The following SLC34A3 variants were observed in gnomAD, a reference collection of about 807,000 sequenced individuals.
The protein encoded by SLC34A3 is sodium-dependent phosphate transport protein 2C.
In SLC34A3, 60 loss-of-function variants were observed where a neutral mutation model predicts 43.9. The observed-to-expected ratio is 1.37, with a 90% confidence interval of 1.11 to 1.70. The LOEUF (loss-of-function observed/expected upper bound fraction) is 1.70, where lower values mean the gene tolerates loss of function less well. Among genes scored for constraint, SLC34A3 ranks in the 40% most tolerant of loss-of-function variants. The pLI, the probability that SLC34A3 is intolerant of heterozygous loss-of-function variation, is 0.00. For missense variants in SLC34A3, 969 were observed against 823.8 expected (o/e 1.18, Z -2.16); for synonymous variants, 451 against 386.2 (o/e 1.17, Z -1.97).
chr9:137,232,025 G>A (rs752218383), intron 2 of SLC34A3, 47 bp from the exon 3 acceptor site: 1 of 1,573,278 alleles, frequency 6.4e-7, no homozygotes, highest in Non-Finnish European at 8.7e-7. Flanking sequence ...CCCCCAGTTG[G>A]AGGGAGGTGG....
chr9:137,234,512 C>A lies in SLC34A3; in HGVS notation c.1190C>A (p.Ala397Glu), dbSNP rs150835225. The A allele has an allele frequency of 6.2e-7, 1 of 1,604,770 alleles. No individual in the cohort carries two copies. The highest frequency in any genetic ancestry group is 1.7e-5 in the Admixed American group (1 of 59,878). The change falls in exon 11 of 13, where the codon GCG becomes GAG. Residue 397 changes from alanine (A) to glutamate (E), a missense_variant. By Grantham distance (107) the Ala-to-Glu change is moderately radical (BLOSUM62 -1). Coordinates refer to ENST00000673835, the MANE Select transcript of SLC34A3 (RefSeq NM_001177316.2). This position sits in a 1 kb window ranked among gnomAD's most constrained non-coding sequence, Gnocchi z 6.9. ...CTGCAGAGCAGCAGCGTCTTCACGG[C>A]GGCCGTCGTGCCCCTCATGGGTGAG... ...FALQSSSVFT[A>E]AVVPLMGVGV...
chr9:137,235,892 G>T (rs1183202005), intron 12 of SLC34A3, 60 bp from the exon 13 acceptor site: 4 of 1,532,814 alleles, frequency 2.6e-6, no homozygotes, highest in Admixed American at 3.3e-5. Context: ...GCAGGGGTCC[G>T]GGGCCCCTGG....
At chr9:137,231,539 G>A (rs919154437) in intron 1 of SLC34A3, 125 bp from the exon 2 acceptor site, 7 of 695,204 alleles carry the variant, frequency 1.0e-5, no homozygotes, top group African/African-American at 8.7e-5. Flanking sequence ...GAGGCCTGCA[G>A]GGCGTAGAGA....
At position 137,234,067 on chromosome 9, in the gene SLC34A3, A is replaced by AC. The variant is rs761762096; in HGVS notation, c.926-36dup. 3.5e-6 allele frequency: 1 copy of AC among 287,712 alleles called. No individual in the cohort carries two copies. The highest frequency in any genetic ancestry group is 4.7e-6 in the Non-Finnish European group (1 of 212,234). 17.8% of individuals were successfully genotyped at this position (287,712 alleles called of 1,614,324 possible). On this transcript the variant is annotated intron_variant, in intron 9 of 12. Transcript: ENST00000673835. The surrounding 1 kb of genome is among the most constrained non-coding windows in gnomAD (Gnocchi z 6.9). Reference sequence around the variant, plus strand: ...TGTGAGGCCCGGCCCACCCCGGCCCACCCCCCAGGCTCCCCCTCACCTGCC... The same window carrying AC: ...TGTGAGGCCCGGCCCACCCCGGCCCACCCCCCCAGGCTCCCCCTCACCTGCC...
At position 137,234,213 on chromosome 9, in the gene SLC34A3, A is replaced by G. The variant is rs996535677; in HGVS notation, c.1030A>G (p.Lys344Glu). The G allele has an allele frequency of 1.9e-6, 3 of 1,608,448 alleles. No homozygotes were observed. The African/African-American group carries it at 4.0e-5, about 22-fold the overall frequency. Residue 344 changes from lysine (K) to glutamate (E), a missense_variant, in exon 10 of 13, where the codon AAG becomes GAG. Coordinates refer to ENST00000673835, the MANE Select transcript of SLC34A3 (RefSeq NM_001177316.2). This position sits in a 1 kb window ranked among gnomAD's most constrained non-coding sequence, Gnocchi z 6.9. ...CTGCGGCTGCCTGGTCCTCATAGTC[A>G]AGCTGCTCAACTCTGTGCTGCGCGG... ...VLCGCLVLIV[K>E]LLNSVLRGRV...
At position 137,234,509 on chromosome 9, in the gene SLC34A3, C is replaced by G. The variant is rs138798032; in HGVS notation, c.1187C>G (p.Thr396Arg). Residue 396 changes from threonine to arginine, a missense_variant, in exon 11 of 13, where the codon ACG (threonine) becomes AGG (arginine). Physicochemically the swap from Thr to Arg is moderately conservative, Grantham distance 71. Coordinates refer to ENST00000673835, the MANE Select transcript of SLC34A3 (RefSeq NM_001177316.2). The surrounding 1 kb of genome is among the most constrained non-coding windows in gnomAD (Gnocchi z 6.9). ...GCACTGCAGAGCAGCAGCGTCTTCA[C>G]GGCGGCCGTCGTGCCCCTCATGGGT... ...TFALQSSSVFTAAVVPLMGVG... is the reference protein window; with the variant it reads ...TFALQSSSVFRAAVVPLMGVG... 6.2e-7 allele frequency: 1 copy of G among 1,604,378 alleles called. No homozygotes were observed. Among genetic ancestry groups the G allele is most frequent in the Non-Finnish European group, 8.5e-7 (1 of 1,177,948 alleles).
intron 3 of SLC34A3, 129 bp from the exon 4 acceptor site, chr9:137,232,446 C>T (rs372711267): frequency 8.1e-6 from 11 of 1,350,834 alleles, no homozygotes; most frequent in Middle Eastern, 4.9e-4. Flanking sequence ...CTGGGGGTTA[C>T]GGAAGAGGAG....
intron 1 of SLC34A3, among the ~76,000 whole-genome samples, chr9:137,231,334 A>G (rs1300838230): frequency 6.6e-6 from 1 of 152,220 alleles, no homozygotes; most frequent in Non-Finnish European, 1.5e-5. Flanking sequence ...CGATGACACC[A>G]GATAGGGGAG....
Position 137,233,283 on chromosome 9 carries a change from C to G in SLC34A3, c.635C>G (p.Ala212Gly), listed in dbSNP as rs755349302. ...TVLVLLPLESATALLERLSEL... is the reference protein window; with the variant it reads ...TVLVLLPLESGTALLERLSEL... ...CTGGTCCTGCTGCCACTGGAGAGCGCCACGGCCCTGCTGGAGAGGCTAAGT... is the reference window on the plus strand; with the variant it reads ...CTGGTCCTGCTGCCACTGGAGAGCGGCACGGCCCTGCTGGAGAGGCTAAGT... Residue 212 changes from alanine (A) to glycine (G), a missense_variant, in exon 7 of 13, where the codon GCC becomes GGC. Physicochemically the swap from Ala to Gly is moderately conservative, Grantham distance 60 (BLOSUM62 0). Transcript: ENST00000673835. 1 of 1,588,268 alleles carries G rather than the reference C, an allele frequency of 6.3e-7. No individual in the cohort carries two copies. The highest frequency in any genetic ancestry group is 8.6e-7 in the Non-Finnish European group (1 of 1,167,596).
upstream of SLC34A3, among the ~76,000 whole-genome samples, chr9:137,230,266 G>A (rs1220767117): frequency 2.6e-5 from 4 of 152,168 alleles, no homozygotes; most frequent in African/African-American, 9.7e-5. Flanking sequence ...GGGGAGCTCT[G>A]TCCTCCCCTC....
chr9:137,229,919 G>A (rs528497799), upstream of SLC34A3, among the ~76,000 whole-genome samples: 1 of 152,154 alleles, frequency 6.6e-6, no homozygotes, highest in East Asian at 1.9e-4. Context: ...CCACTGGAAC[G>A]AGCTGTCACT....
Position 137,232,606 on chromosome 9 carries a change from G to A in SLC34A3, c.207G>A (p.Val69=), listed in dbSNP as rs1333192790. 2 of 1,611,450 alleles carry A rather than the reference G, an allele frequency of 1.2e-6. No individual in the cohort carries two copies. The highest frequency in any genetic ancestry group is 1.1e-5 in the South Asian group (1 of 91,018). ...GCGTGGCCGGCAGGCTGCGCCGCGT[G>A]GCCGGCAGCGTCCTCAAGGCCTGCG... is the stretch of plus-strand genomic sequence containing the variant. The part of the protein sequence containing the change: ...ELRVAGRLRR[V]AGSVLKACGL... Residue 69 remains valine, a synonymous_variant, in exon 4 of 13, where the codon GTG becomes GTA. Coordinates refer to ENST00000673835, the MANE Select transcript of SLC34A3 (RefSeq NM_001177316.2).
chr9:137,236,225 C>A lies in SLC34A3; in HGVS notation c.1609C>A (p.Arg537Ser). The part of the protein sequence containing the change: ...LVILVTVLQR[R>S]RPAWLPVRLR... ...CATCCTGGTTACTGTCCTGCAGCGG[C>A]GCCGGCCGGCCTGGCTGCCTGTCCG... Residue 537 changes from arginine to serine, a missense_variant, in exon 13 of 13, where the codon CGC becomes AGC. Arg to Ser is a moderately radical substitution (Grantham distance 110). Coordinates refer to ENST00000673835, the MANE Select transcript of SLC34A3 (RefSeq NM_001177316.2). 6.4e-7 allele frequency: 1 copy of A among 1,564,168 alleles called. No individual in the cohort carries two copies. Among genetic ancestry groups the A allele is most frequent in the South Asian group, 1.2e-5 (1 of 86,808 alleles).
At chr9:137,233,779 T>TTTGGGGCCCCC in intron 8 of SLC34A3, 57 bp downstream of exon 8, 1 of 1,445,824 alleles carries the variant, frequency 6.9e-7, no homozygotes, top group Non-Finnish European at 9.6e-7. Context: ...TGCTGAGTCA[T>TTTGGGGCCCCC]CCCGCCCCAC....
At position 137,234,735 on chromosome 9, in the gene SLC34A3, C is replaced by G. The variant is rs1301526904; in HGVS notation, c.1335+4C>G. On this transcript the variant is annotated splice_donor_region_variant and intron_variant, in intron 12 of 12. Coordinates refer to ENST00000673835, the MANE Select transcript of SLC34A3 (RefSeq NM_001177316.2). This position sits in a 1 kb window ranked among gnomAD's most constrained non-coding sequence, Gnocchi z 6.9. ...CAGGATGCTCAGCGCCCTGCAGGTA[C>G]TGTCCACCCTGCCCCGCTGCCAGAA... The G allele has an allele frequency of 4.4e-6, 7 of 1,607,610 alleles. No individual in the cohort carries two copies. Among genetic ancestry groups the G allele is most frequent in the Non-Finnish European group, 5.1e-6 (6 of 1,179,812 alleles).
intron 2 of SLC34A3, 128 bp downstream of exon 2, chr9:137,231,915 C>G: frequency 1.8e-6 from 2 of 1,117,008 alleles, no homozygotes; most frequent in Non-Finnish European, 2.7e-6. Flanking sequence ...CGCCTCCACT[C>G]AGGTCCAGCC....
chr9:137,235,361 CGCT>C (rs979821512), intron 12 of SLC34A3, among the ~76,000 whole-genome samples: 1 of 152,182 alleles, frequency 6.6e-6, no homozygotes, highest in Non-Finnish European at 1.5e-5. Context: ...GCTGCACCGC[CGCT>C]GACAGGAAGA....
At position 137,232,850 on chromosome 9, in the gene SLC34A3, T is replaced by C. The variant is rs371519982; in HGVS notation, c.371T>C (p.Ile124Thr). Residue 124 changes from isoleucine (I) to threonine (T), a missense_variant, in exon 5 of 13, where the codon ATT becomes ACT. By Grantham distance (89) the Ile-to-Thr change is moderately conservative. Transcript: ENST00000673835. ...TCCAACCCTGTGGCTGGACTGGTCA[T>C]TGGCGTGCTGGTCACAGCCCTGGTG... ...VLSNPVAGLV[I>T]GVLVTALVQS... 6.4e-5 allele frequency: 103 copies of C among 1,612,804 alleles called. 1 individual carries two copies. Among genetic ancestry groups the C allele is most frequent in the East Asian group, 8.9e-5 (4 of 44,884 alleles).
At position 137,232,990 on chromosome 9, in the gene SLC34A3, C is replaced by T. The variant is rs545767491; in HGVS notation, c.449-14C>T. On this transcript the variant is annotated splice_polypyrimidine_tract_variant and intron_variant, in intron 5 of 12. Transcript: ENST00000673835. ...AGGGTGGGCCGCAGGCTGACTCAGC[C>T]CCCCCACCAGCAGTGCTGACTGTCC... is the stretch of plus-strand genomic sequence containing the variant. The T allele has an allele frequency of 1.5e-5, 24 of 1,610,428 alleles. No individual in the cohort carries two copies. Among genetic ancestry groups the T allele is most frequent in the Middle Eastern group, 1.8e-4 (1 of 5,484 alleles).
Sources: allele counts gnomAD v4.1 joint callset (sites outside exome capture counted in the v4.1 genomes callset), GRCh38; gene constraint gnomAD v4.1.1; non-coding constraint Gnocchi (gnomAD v3.1); transcripts MANE v1.5; gene names NCBI Gene and HGNC (gene_info 2026-07-23, HGNC 2026-07-21).